Variants in CRACDL observed in about 807,000 individuals in gnomAD.
CRACDL encodes CRACD-like protein.
CRACDL carries 26 observed loss-of-function variants against 70.6 expected under a neutral mutation model. The ratio of observed to expected loss-of-function variants is 0.37; its 90% CI spans 0.27 to 0.51. The LOEUF (loss-of-function observed/expected upper bound fraction) is 0.51. Among genes scored for constraint, CRACDL ranks in the 20% least tolerant of loss-of-function variants. The pLI is 0.94. For missense variants in CRACDL, 1,283 were observed against 1,376.9 expected (o/e 0.93, Z 1.08); for synonymous variants, 618 against 615.2 (o/e 1.00, Z -0.07).
intron 1 of CRACDL, among the ~76,000 whole-genome samples, chr2:98,933,060 C>T (rs907388795): frequency 2.6e-5 from 4 of 152,222 alleles, no homozygotes; most frequent in African/African-American, 4.8e-5. Flanking sequence ...TACGGTTCCG[C>T]ACAACCTGGG....
intron 1 of CRACDL, among the ~76,000 whole-genome samples, chr2:98,865,544 A>T (rs1173152881): frequency 6.6e-6 from 1 of 152,132 alleles, no homozygotes; most frequent in Non-Finnish European, 1.5e-5. Flanking sequence ...TTCTCTAGTG[A>T]GTCATGCCAA....
intron 7 of CRACDL, among the ~76,000 whole-genome samples, chr2:98,821,214 G>T (rs143312459): frequency 6.6e-6 from 1 of 152,052 alleles, no homozygotes; most frequent in Admixed American, 6.5e-5. Context: ...AACAGACAGG[G>T]TCTCACTCTG....
At chr2:98,890,052 A>G (rs1395722258) in intron 1 of CRACDL, among the ~76,000 whole-genome samples, 1 of 152,236 alleles carries the variant, frequency 6.6e-6, no homozygotes, top group Non-Finnish European at 1.5e-5. Flanking sequence ...CAATGTTAAA[A>G]AAGAAGAAAA....
At chr2:98,875,451 T>A (rs1707464591) in intron 1 of CRACDL, among the ~76,000 whole-genome samples, 1 of 152,130 alleles carries the variant, frequency 6.6e-6, no homozygotes, top group South Asian at 2.1e-4. Flanking sequence ...CCGACATCTG[T>A]CACATCTGTC....
intron 1 of CRACDL, among the ~76,000 whole-genome samples, chr2:98,910,335 CGTG>C (rs1165790149): frequency 6.6e-6 from 1 of 151,990 alleles, no homozygotes; most frequent in Non-Finnish European, 1.5e-5. Context: ...GCCTGACCAA[CGTG>C]GTGAAACCCC....
intron 1 of CRACDL, among the ~76,000 whole-genome samples, chr2:98,858,665 A>T (rs1018804914): frequency 1.7e-4 from 26 of 152,102 alleles, no homozygotes; most frequent in Non-Finnish European, 7.4e-5. Flanking sequence ...AAAATAGAAA[A>T]TAGAAAAACA....
intron 7 of CRACDL, among the ~76,000 whole-genome samples, chr2:98,799,424 C>CCCCTGG (rs1415121252): frequency 6.7e-4 from 102 of 152,226 alleles, no homozygotes; most frequent in Non-Finnish European, 6.8e-4. Context: ...GCCAGGACCT[C>CCCCTGG]CCCTGGCCCT....
At chr2:98,873,694 C>T (rs1707409838) in intron 1 of CRACDL, among the ~76,000 whole-genome samples, 1 of 152,224 alleles carries the variant, frequency 6.6e-6, no homozygotes, top group African/African-American at 2.4e-5. Context: ...ATATTTTGAA[C>T]ATCTAGTCTG....
chr2:98,916,907 C>T lies in CRACDL; in HGVS notation c.-11+19031G>A, dbSNP rs531455113. 2.3e-4 allele frequency among the ~76,000 whole-genome samples: 35 copies of T among 152,356 alleles called. 1 individual carries two copies. The South Asian group carries it at 5.8e-3, about 25-fold the overall frequency. The stretch of plus-strand genomic sequence containing the variant: ...CGGTATACTTCACCCAAACCATCTC[C>T]TTTGCTAAACTGAGCCTAAATGACA... On this transcript the variant is annotated intron_variant, in intron 1 of 9. Coordinates refer to ENST00000397899, the MANE Select transcript of CRACDL (RefSeq NM_207362.3).
intron 7 of CRACDL, among the ~76,000 whole-genome samples, chr2:98,819,905 C>T (rs556447190): frequency 6.7e-6 from 1 of 149,130 alleles, no homozygotes; most frequent in African/African-American, 2.5e-5. Flanking sequence ...CTGCAACCTC[C>T]GCCTCCTGGG....
At chr2:98,857,370 G>T (rs1706739949) in intron 1 of CRACDL, among the ~76,000 whole-genome samples, 1 of 152,004 alleles carries the variant, frequency 6.6e-6, no homozygotes, top group Non-Finnish European at 1.5e-5. Context: ...TAATTATTGG[G>T]CCTATGACAA....
At chr2:98,920,726 C>A (rs1708783130) in intron 1 of CRACDL, among the ~76,000 whole-genome samples, 1 of 152,178 alleles carries the variant, frequency 6.6e-6, no homozygotes, top group South Asian at 2.1e-4. Flanking sequence ...TTCATGAATC[C>A]CCACTGGAAG....
intron 1 of CRACDL, among the ~76,000 whole-genome samples, chr2:98,926,175 T>C (rs1229465333): frequency 2.0e-5 from 3 of 152,222 alleles, no homozygotes; most frequent in Admixed American, 2.0e-4. Flanking sequence ...ATCCTATTTT[T>C]AATTCACAAA....
intron 1 of CRACDL, among the ~76,000 whole-genome samples, chr2:98,880,910 C>T (rs1229073628): frequency 6.6e-6 from 1 of 152,222 alleles, no homozygotes; most frequent in Non-Finnish European, 1.5e-5. Context: ...GGCCCCTCGG[C>T]TGCTGTGGCT....
intron 1 of CRACDL, among the ~76,000 whole-genome samples, chr2:98,885,217 C>T (rs1272755306): frequency 6.6e-6 from 1 of 152,190 alleles, no homozygotes; most frequent in African/African-American, 2.4e-5. Flanking sequence ...GCCAATTCCT[C>T]AGCAACTATG....
intron 1 of CRACDL, among the ~76,000 whole-genome samples, chr2:98,930,234 G>A (rs972679097): frequency 2.6e-5 from 4 of 152,176 alleles, no homozygotes; most frequent in South Asian, 2.1e-4. Context: ...TGGGGAAGGC[G>A]GATGCTGCAG....
chr2:98,810,923 AC>A (rs974245861), intron 7 of CRACDL, among the ~76,000 whole-genome samples: 9 of 151,990 alleles, frequency 5.9e-5, no homozygotes, highest in Non-Finnish European at 1.2e-4. Context: ...CAGAACACAT[AC>A]AGTGTAACCC....
intron 1 of CRACDL, among the ~76,000 whole-genome samples, chr2:98,932,393 T>C (rs1176699029): frequency 6.6e-6 from 1 of 152,210 alleles, no homozygotes; most frequent in Non-Finnish European, 1.5e-5. Context: ...GAGTGTGAAC[T>C]AAATCCAGGG....
At chr2:98,855,531 C>A (rs1018002494) in intron 1 of CRACDL, among the ~76,000 whole-genome samples, 1 of 151,634 alleles carries the variant, frequency 6.6e-6, no homozygotes, top group Non-Finnish European at 1.5e-5. Flanking sequence ...AAAAGTTATA[C>A]AAAAGTTATC....
Sources: gnomAD v4.1 joint callset for allele counts (sites outside exome capture counted in the v4.1 genomes callset) on GRCh38, gnomAD v4.1.1 for gene constraint, MANE v1.5 for transcripts, NCBI Gene and HGNC (gene_info 2026-07-23, HGNC 2026-07-21) for gene names.